The following SMARCB1 variants were observed in gnomAD, a reference collection of about 807,000 sequenced individuals.
SMARCB1 encodes SWI/SNF related BAF chromatin remodeling complex subunit B1.
A neutral mutation model predicts 49.0 loss-of-function variants in SMARCB1; 5 were observed. The ratio of observed to expected loss-of-function variants is 0.10; its 90% CI spans 0.05 to 0.21. The LOEUF is 0.21. Among genes scored for constraint, SMARCB1 ranks in the 10% least tolerant of loss-of-function variants. The pLI is 1.00. For missense variants in SMARCB1, 226 were observed against 509.2 expected (o/e 0.44, Z 5.35); for synonymous variants, 201 against 200.1 (o/e 1.00, Z -0.04).
At chr22:23,801,683 T>C (rs1356147063) in intron 4 of SMARCB1, 3 of 295,862 alleles carry the variant, frequency 1.0e-5, no homozygotes, top group African/African-American at 6.5e-5. Flanking sequence ...TGCATGAAAC[T>C]TCCCTGTCTC....
At chr22:23,796,066 T>A (rs1321271119) in intron 3 of SMARCB1, among the ~76,000 whole-genome samples, 1 of 152,170 alleles carries the variant, frequency 6.6e-6, no homozygotes, top group Non-Finnish European at 1.5e-5. Context: ...GTGGTGGGAT[T>A]ACAGGTGTGA....
chr22:23,823,074 C>T (rs1170120154), intron 6 of SMARCB1: 1 of 143,924 alleles, frequency 6.9e-6, no homozygotes, highest in Non-Finnish European at 1.5e-5. Context: ...CTCAGCCTCC[C>T]AAGTAACTGA....
chr22:23,801,724 T>C (rs1929168865), intron 4 of SMARCB1: 1 of 256,684 alleles, frequency 3.9e-6, no homozygotes, highest in Admixed American at 5.1e-5. Flanking sequence ...CGATGTAATT[T>C]AGGGCCCTTC....
rs1022630136 is a variant in SMARCB1 at position 23,828,781 on chromosome 22, G to A, written c.986+3366G>A. Reference sequence around the variant, plus strand: ...TGACTTCCATACCCTCCTCGGCAGTGGGGACATTGATTGGATCCATGGTAC... The same window carrying A: ...TGACTTCCATACCCTCCTCGGCAGTAGGGACATTGATTGGATCCATGGTAC... On this transcript the variant is annotated intron_variant, in intron 7 of 8. Transcript: ENST00000644036. 3.3e-5 allele frequency among the ~76,000 whole-genome samples: 5 copies of A among 152,332 alleles called. No homozygotes were observed. The East Asian group carries it at 9.7e-4, about 29-fold the overall frequency.
At chr22:23,819,386 A>G (rs2029953225) in intron 6 of SMARCB1, among the ~76,000 whole-genome samples, 1 of 152,118 alleles carries the variant, frequency 6.6e-6, no homozygotes, top group Non-Finnish European at 1.5e-5. Flanking sequence ...GCTGGAGTGC[A>G]GTGGCGCGAT....
intron 3 of SMARCB1, among the ~76,000 whole-genome samples, chr22:23,795,767 G>T (rs1928705822): frequency 6.7e-6 from 1 of 150,192 alleles, no homozygotes. Context: ...TGATAGAACT[G>T]CACTCATGTG....
At chr22:23,813,840 T>TA (rs201430491) in intron 5 of SMARCB1, among the ~76,000 whole-genome samples, 5,615 of 151,900 alleles carry the variant, frequency 0.037, 328 homozygotes, top group African/African-American at 0.13. Context: ...TTATTATTAT[T>TA]TTTTTTTGAG....
rs774324884 is a variant in SMARCB1, at chr22:23,836,995, A to G, written c.*2815A>G. On this transcript the variant is annotated 3_prime_UTR_variant, in exon 9 of 9. Transcript: ENST00000644036. ...GAGGGGCCCGTGTTGAGCACAGGCCAGCACAGGTCCCCATCGGTGGGGATC... is the reference window on the plus strand; with the variant it reads ...GAGGGGCCCGTGTTGAGCACAGGCCGGCACAGGTCCCCATCGGTGGGGATC... 3.7e-6 allele frequency: 6 copies of G among 1,610,404 alleles called. No individual in the cohort carries two copies. Among genetic ancestry groups the G allele is most frequent in the Middle Eastern group, 3.3e-4 (2 of 6,024 alleles).
chr22:23,816,392 C>A, intron 5 of SMARCB1: 1 of 399,042 alleles, frequency 2.5e-6, no homozygotes. Flanking sequence ...TCACGTCTGC[C>A]ACCAGTTCAG....
rs756643970 is a variant in SMARCB1, at chr22:23,825,212, G to T, written c.796-13G>T. ...CAAAAGCTCTAACTTGTGTCCTTTG[G>T]TTGTTGCCTCAGCTGAACATCCATG... On this transcript the variant is annotated splice_polypyrimidine_tract_variant and intron_variant, in intron 6 of 8. Transcript: ENST00000644036. The T allele has an allele frequency of 1.5e-5, 25 of 1,613,290 alleles. No individual in the cohort carries two copies. In the African/African-American group the frequency reaches 2.9e-4, roughly 19 times the overall value.
intron 3 of SMARCB1, among the ~76,000 whole-genome samples, chr22:23,798,776 C>T (rs939119381): frequency 5.9e-5 from 9 of 151,898 alleles, no homozygotes; most frequent in African/African-American, 2.2e-4. Context: ...GTCGGCCGGG[C>T]GCGGTGACTG....
chr22:23,833,412 G>A (rs796564813), intron 7 of SMARCB1, among the ~76,000 whole-genome samples, 160 bp from the exon 8 acceptor site: 3 of 152,326 alleles, frequency 2.0e-5, no homozygotes, highest in African/African-American at 4.8e-5. Flanking sequence ...AGGCCCTGGC[G>A]CCTCCAGCAG....
intron 5 of SMARCB1, chr22:23,815,927 C>G (rs560321600): frequency 6.6e-6 from 1 of 152,486 alleles, no homozygotes; most frequent in East Asian, 1.9e-4. Context: ...GGTGTTTACC[C>G]CGTGCACCTG....
At chr22:23,808,221 C>T (rs190090905) in intron 5 of SMARCB1, among the ~76,000 whole-genome samples, 6 of 148,426 alleles carry the variant, frequency 4.0e-5, no homozygotes, top group South Asian at 2.2e-4. Context: ...CCCAGGTTCA[C>T]GCCATTCTCC....
At chr22:23,829,476 A>AG (rs2030547963) in intron 7 of SMARCB1, among the ~76,000 whole-genome samples, 1 of 152,144 alleles carries the variant, frequency 6.6e-6, no homozygotes, top group Non-Finnish European at 1.5e-5. Flanking sequence ...AAAGAGACTA[A>AG]GGGTCAGGGA....
At chr22:23,833,805 A>G in intron 8 of SMARCB1, 102 bp downstream of exon 8, 1 of 1,368,718 alleles carries the variant, frequency 7.3e-7, no homozygotes, top group Non-Finnish European at 1.0e-6. Flanking sequence ...TCTCTGAGAC[A>G]GAGTACCTCT....
At chr22:23,809,695 G>A (rs1445412113) in intron 5 of SMARCB1, among the ~76,000 whole-genome samples, 1 of 151,724 alleles carries the variant, frequency 6.6e-6, no homozygotes, top group South Asian at 2.1e-4. Flanking sequence ...ATAGGCATGA[G>A]CCACCGCGCC....
chr22:23,833,618 G>T lies in SMARCB1; in HGVS notation c.1033G>T (p.Asp345Tyr), dbSNP rs794727911. 1 of 1,614,196 alleles carries T rather than the reference G, an allele frequency of 6.2e-7. No individual in the cohort carries two copies. The highest frequency in any genetic ancestry group is 8.5e-7 in the Non-Finnish European group (1 of 1,180,016). ...GGAGATTGCCATCCGGAACACGGGC[G>T]ATGCGGACCAGTGGTGCCCACTGCT... is the stretch of plus-strand genomic sequence containing the variant. ...TVEIAIRNTG[D>Y]ADQWCPLLET... Residue 345 changes from aspartate (D) to tyrosine (Y), a missense_variant, in exon 8 of 9, where the codon GAT (aspartate) becomes TAT (tyrosine). By Grantham distance (160) the Asp-to-Tyr change is radical (BLOSUM62 -3). Around this residue, in one of 6 missense-constraint regions of SMARCB1, gnomAD observed 35 missense variants for 107.2 expected, o/e 0.33. Transcript: ENST00000644036.
At chr22:23,830,649 CTTTTTTTTTTTTTTTTTTT>C (rs56800497) in intron 7 of SMARCB1, among the ~76,000 whole-genome samples, 7 of 95,424 alleles carry the variant, frequency 7.3e-5, no homozygotes, top group East Asian at 3.8e-4. Context: ...TCCAATTTAT[CTTTTTTTTTTTTTTTTTTT>C]TTTTTTTTTT....
Sources: allele counts gnomAD v4.1 joint callset (sites outside exome capture counted in the v4.1 genomes callset), GRCh38; gene constraint gnomAD v4.1.1; regional missense constraint gnomAD v4.1.1; transcripts MANE v1.5; gene names NCBI Gene and HGNC (gene_info 2026-07-23, HGNC 2026-07-21).